Variants in CSGALNACT1 observed in about 807,000 individuals in gnomAD.
CSGALNACT1 encodes beta4GalNAcT-1.
CSGALNACT1 carries 52 observed loss-of-function variants against 51.0 expected under a neutral mutation model. The ratio of observed to expected loss-of-function variants is 1.02; its 90% CI spans 0.82 to 1.29. CSGALNACT1 has a LOEUF of 1.29. Among genes scored for constraint, CSGALNACT1 ranks in the 50% most tolerant of loss-of-function variants. The pLI, the probability that CSGALNACT1 is intolerant of heterozygous loss-of-function variation, is 0.00. For missense variants in CSGALNACT1, 935 were observed against 679.2 expected, an observed-to-expected ratio of 1.38 and a Z score of -4.19; for synonymous variants, 341 against 254.4, an observed-to-expected ratio of 1.34 and a Z score of -3.24.
intron 2 of CSGALNACT1, among the ~76,000 whole-genome samples, chr8:19,601,504 T>G (rs1315262436): frequency 6.6e-6 from 1 of 152,212 alleles, no homozygotes; most frequent in African/African-American, 2.4e-5. Context: ...CACTTGCCAC[T>G]CTGAGAAGAG....
chr8:19,603,606 G>A (rs1486934778), upstream of CSGALNACT1, among the ~76,000 whole-genome samples: 2 of 152,160 alleles, frequency 1.3e-5, no homozygotes, highest in South Asian at 2.1e-4. Context: ...TTACTTCAGC[G>A]CCTGCAGGCC....
intron 1 of CSGALNACT1, among the ~76,000 whole-genome samples, chr8:19,623,638 A>T (rs1293732980): frequency 6.6e-6 from 1 of 152,238 alleles, no homozygotes; most frequent in East Asian, 1.9e-4. Context: ...TACACAGAGT[A>T]GGTTCACAGA....
intron 1 of CSGALNACT1, among the ~76,000 whole-genome samples, chr8:19,706,074 A>G (rs2062146248): frequency 6.6e-6 from 1 of 152,166 alleles, no homozygotes; most frequent in African/African-American, 2.4e-5. Context: ...GATCAAATAA[A>G]AACTAAAATA....
chr8:19,495,401 C>A (rs981756343), intron 4 of CSGALNACT1, among the ~76,000 whole-genome samples: 1 of 152,214 alleles, frequency 6.6e-6, no homozygotes, highest in Non-Finnish European at 1.5e-5. Context: ...CCCATAAAAA[C>A]CTCTTTAACC....
chr8:19,419,214 CCAGA>C (rs1330955961), intron 7 of CSGALNACT1, among the ~76,000 whole-genome samples: 1 of 152,152 alleles, frequency 6.6e-6, no homozygotes, highest in Non-Finnish European at 1.5e-5. Flanking sequence ...ACCAAGTGGA[CCAGA>C]CAGTCATATC....
chr8:19,657,589 A>C (rs1476697283), intron 1 of CSGALNACT1, among the ~76,000 whole-genome samples: 1 of 152,244 alleles, frequency 6.6e-6, no homozygotes, highest in Non-Finnish European at 1.5e-5. Context: ...CCACAATGGA[A>C]GTCAAAATCC....
At chr8:19,748,440 T>C (rs763324875) in intron 1 of CSGALNACT1, among the ~76,000 whole-genome samples, 4 of 152,174 alleles carry the variant, frequency 2.6e-5, no homozygotes, top group African/African-American at 4.8e-5. Context: ...AAATAGGAGA[T>C]ATAAGGCCTA....
intron 4 of CSGALNACT1, among the ~76,000 whole-genome samples, chr8:19,471,788 A>T (rs989567592): frequency 2.6e-5 from 4 of 152,186 alleles, no homozygotes; most frequent in Non-Finnish European, 5.9e-5. Flanking sequence ...AACGGAAGAG[A>T]TGGGGAAGAA....
At chr8:19,664,229 A>T (rs1036562694) in intron 1 of CSGALNACT1, among the ~76,000 whole-genome samples, 1 of 152,242 alleles carries the variant, frequency 6.6e-6, no homozygotes, top group Non-Finnish European at 1.5e-5. Flanking sequence ...AGACATTACT[A>T]GTTTTACAGG....
At chr8:19,659,956 G>A (rs987900684) in intron 1 of CSGALNACT1, among the ~76,000 whole-genome samples, 3 of 152,192 alleles carry the variant, frequency 2.0e-5, no homozygotes, top group African/African-American at 2.4e-5. Flanking sequence ...TTATATGCTA[G>A]ACTCTAGCCG....
rs190786741 is a variant in CSGALNACT1 at position 19,457,567 on chromosome 8, C to T, written c.851+859G>A. 153 of 750,270 alleles carry T rather than the reference C, an allele frequency of 2.0e-4. No homozygotes were observed. The Admixed American group carries it at 2.3e-3, about 11-fold the overall frequency. 46.5% of individuals were successfully genotyped at this position (750,270 alleles called of 1,614,324 possible). On this transcript the variant is annotated intron_variant, in intron 5 of 9. Transcript: ENST00000454498. ...GGTGAAGGTTGCAGTGAGCAGAGTTCGTGCCACTGCACTCCAGCCTGGGTG... is the reference window on the plus strand; with the variant it reads ...GGTGAAGGTTGCAGTGAGCAGAGTTTGTGCCACTGCACTCCAGCCTGGGTG...
rs1373216159 is a variant in CSGALNACT1 at position 19,757,436 on chromosome 8, G to C, written c.-297+414C>G. 6.6e-6 allele frequency: 1 copy of C among 152,482 alleles called. No homozygotes were observed. Among genetic ancestry groups the C allele is most frequent in the African/African-American group, 2.4e-5 (1 of 41,384 alleles). The allele number at this position is 152,482 out of a possible 1,614,324, so 9.4% of individuals were successfully genotyped here. ...GCGGCCAAGGCCGGGCTGGGGTCGC[G>C]GTTGGCCGCGTACCTCCGCGTCACC... On this transcript the variant is annotated intron_variant, in intron 1 of 1. Coordinates refer to the CSGALNACT1 transcript ENST00000517494. The surrounding 1 kb of genome is among the most constrained non-coding windows in gnomAD (Gnocchi z 4.0).
chr8:19,731,102 C>G (rs1390595740), intron 1 of CSGALNACT1, among the ~76,000 whole-genome samples: 1 of 152,170 alleles, frequency 6.6e-6, no homozygotes. Flanking sequence ...TGGCTGTTTC[C>G]TGACATATCA....
intron 1 of CSGALNACT1, among the ~76,000 whole-genome samples, chr8:19,624,657 G>A (rs1444979976): frequency 1.3e-5 from 2 of 151,130 alleles, no homozygotes; most frequent in African/African-American, 4.9e-5. Flanking sequence ...CTTCCATCTT[G>A]TACTTTTACC....
intron 1 of CSGALNACT1, among the ~76,000 whole-genome samples, chr8:19,752,012 A>G (rs935532270): frequency 6.7e-6 from 1 of 149,628 alleles, no homozygotes; most frequent in Non-Finnish European, 1.5e-5. Context: ...ATTTTTAAAA[A>G]TTGTCTATAG....
At position 19,435,360 on chromosome 8, in the gene CSGALNACT1, G is replaced by A. The variant is rs998734360; in HGVS notation, c.953+4470C>T. On this transcript the variant is annotated intron_variant, in intron 6 of 9. Coordinates refer to ENST00000454498, the Ensembl canonical transcript of CSGALNACT1. Reference sequence around the variant, plus strand: ...ATACAAGAATTCGCTGGGTGTGGTGGCGTGCGCCTATAGTCCTAGCTACCT... The same window carrying A: ...ATACAAGAATTCGCTGGGTGTGGTGACGTGCGCCTATAGTCCTAGCTACCT... Among the ~76,000 whole-genome samples the A allele has an allele frequency of 3.3e-5, 5 of 152,068 alleles. No homozygotes were observed. In the South Asian group the frequency reaches 8.3e-4, roughly 25 times the overall value.
intron 4 of CSGALNACT1, among the ~76,000 whole-genome samples, chr8:19,491,753 C>G (rs2074403706): frequency 2.0e-5 from 3 of 152,214 alleles, no homozygotes; most frequent in Admixed American, 2.0e-4. Flanking sequence ...ACATTTCACT[C>G]TTAGCATTTC....
At chr8:19,593,887 C>T (rs1403227884) in intron 2 of CSGALNACT1, among the ~76,000 whole-genome samples, 2 of 152,194 alleles carry the variant, frequency 1.3e-5, no homozygotes, top group South Asian at 4.1e-4. Context: ...CCCTTCTCAA[C>T]CTTGTGCTGA....
chr8:19,662,673 C>G (rs1038758444), intron 1 of CSGALNACT1, among the ~76,000 whole-genome samples: 4 of 152,146 alleles, frequency 2.6e-5, no homozygotes, highest in Non-Finnish European at 4.4e-5. Flanking sequence ...TAAGTGGATG[C>G]TAGGGTGTGT....
Sources: allele counts gnomAD v4.1 joint callset (sites outside exome capture counted in the v4.1 genomes callset), GRCh38; gene constraint gnomAD v4.1.1; non-coding constraint Gnocchi (gnomAD v3.1); transcripts MANE v1.5; gene names NCBI Gene and HGNC (gene_info 2026-07-23, HGNC 2026-07-21).